ATAD5: variants seen among roughly 807,000 people sequenced by gnomAD.
ATAD5 encodes the protein ATPase family AAA domain-containing protein 5.
ATAD5 carries 58 observed loss-of-function variants against 176.9 expected under a neutral mutation model. The ratio of observed to expected loss-of-function variants is 0.33; its 90% confidence interval spans 0.27 to 0.41. The LOEUF (loss-of-function observed/expected upper bound fraction) is 0.41, where lower values mean the gene tolerates loss of function less well. Among genes scored for constraint, ATAD5 ranks in the 10% least tolerant of loss-of-function variants. ATAD5 has a pLI of 1.00. For synonymous variants in ATAD5, 640 were observed against 712.6 expected, an observed-to-expected ratio of 0.90 and a Z score of 1.62; for missense variants, 1,789 against 2,094.1, an observed-to-expected ratio of 0.85 and a Z score of 2.84.
intron 3 of ATAD5, among the ~76,000 whole-genome samples, chr17:30,839,349 C>T (rs111583290): frequency 8.6e-5 from 13 of 151,204 alleles, no homozygotes; most frequent in Non-Finnish European, 1.8e-4. Context: ...TGCAGTGGCA[C>T]GGTCTCGGCT....
chr17:30,833,869 A>AC (rs919070702), intron 1 of ATAD5, among the ~76,000 whole-genome samples: 33 of 152,094 alleles, frequency 2.2e-4, no homozygotes, highest in African/African-American at 7.7e-4. Flanking sequence ...TTTAGTAGAG[A>AC]CAGGGTTTCA....
intron 3 of ATAD5, among the ~76,000 whole-genome samples, chr17:30,840,213 A>C (rs1307569202): frequency 1.3e-5 from 2 of 150,702 alleles, no homozygotes; most frequent in East Asian, 1.9e-4. Context: ...AAAAAAAAAA[A>C]AAAAAACAAC....
chr17:30,892,053 C>T (rs1452100594), intron 19 of ATAD5, among the ~76,000 whole-genome samples: 1 of 152,058 alleles, frequency 6.6e-6, no homozygotes, highest in Non-Finnish European at 1.5e-5. Context: ...CTTGCCTGCT[C>T]ACAGTCCTTG....
chr17:30,893,544 A>G lies in ATAD5; in HGVS notation c.4691A>G (p.Lys1564Arg), dbSNP rs761806208. 4 of 1,611,418 alleles carry G rather than the reference A, an allele frequency of 2.5e-6. No individual in the cohort carries two copies. Among genetic ancestry groups the G allele is most frequent in the South Asian group, 1.1e-5 (1 of 90,256 alleles). The change falls in exon 21 of 23, where the codon AAG (lysine) becomes AGG (arginine). Residue 1564 changes from lysine (K) to arginine (R), a missense_variant. This residue lies in a region of ATAD5 where 403 missense variants were observed against 495.1 expected (regional missense o/e 0.81). Coordinates refer to ENST00000321990, the MANE Select transcript of ATAD5 (RefSeq NM_024857.5). ...CAGCCATTGAAAAAGTCCCAGAAAA[A>G]GAAACAAAAGAAAACATTGGTAATA... is the stretch of plus-strand genomic sequence containing the variant. ...REQPLKKSQK[K>R]KQKKTLVILD...
At chr17:30,853,478 A>G (rs553332741) in intron 6 of ATAD5, among the ~76,000 whole-genome samples, 1 of 152,054 alleles carries the variant, frequency 6.6e-6, no homozygotes, top group Non-Finnish European at 1.5e-5. Flanking sequence ...AAAAAAATAC[A>G]CTTCTTCTTT....
At chr17:30,849,774 T>C (rs1906757701) in intron 6 of ATAD5, among the ~76,000 whole-genome samples, 1 of 152,206 alleles carries the variant, frequency 6.6e-6, no homozygotes, top group African/African-American at 2.4e-5. Context: ...GACGTCCAGT[T>C]TATGGGTTTG....
intron 17 of ATAD5, among the ~76,000 whole-genome samples, chr17:30,878,455 T>C (rs1908792800): frequency 6.6e-6 from 1 of 152,146 alleles, no homozygotes; most frequent in African/African-American, 2.4e-5. Flanking sequence ...CTGATAACAC[T>C]TTCTTATGAA....
At chr17:30,866,161 C>T (rs1327393011) in intron 11 of ATAD5, among the ~76,000 whole-genome samples, 3 of 143,334 alleles carry the variant, frequency 2.1e-5, no homozygotes, top group Admixed American at 7.1e-5. Context: ...TTTGTTACAC[C>T]TTTACACTTA....
In ATAD5 at chr17:30,834,708, A is replaced by G; in HGVS notation, c.627A>G (p.Lys209=). ...ACTTCAAAAAGTTGAGAAAAAGGAA[A>G]TGCAGAGATGTAGTAGATCTATCTG... is the stretch of plus-strand genomic sequence containing the variant. The part of the protein sequence containing the change: ...KNDFKKLRKR[K]CRDVVDLSES... Residue 209 remains lysine (K), a synonymous_variant, in exon 2 of 23, where the codon AAA becomes AAG. Coordinates refer to ENST00000321990, the MANE Select transcript of ATAD5 (RefSeq NM_024857.5). The G allele has an allele frequency of 1.2e-6, 2 of 1,610,720 alleles. No individual in the cohort carries two copies. Among genetic ancestry groups the G allele is most frequent in the Non-Finnish European group, 1.7e-6 (2 of 1,179,192 alleles).
chr17:30,858,247 G>GA lies in ATAD5; in HGVS notation c.2886dup (p.Tyr963IlefsTer11). The GA allele has an allele frequency of 6.3e-7, 1 of 1,597,084 alleles. No individual in the cohort carries two copies. The highest frequency in any genetic ancestry group is 8.5e-7 in the Non-Finnish European group (1 of 1,172,180). On this transcript the variant is annotated frameshift_variant, in exon 9 of 23. Coordinates refer to ENST00000321990, the MANE Select transcript of ATAD5 (RefSeq NM_024857.5). LOFTEE classifies it high-confidence loss of function. ...GGTGGTCAAATCCTGAATTTTCATTGAAAAAATATTTTCCCTTACTCCTAA... is the reference window on the plus strand; with the variant it reads ...GGTGGTCAAATCCTGAATTTTCATTGAAAAAAATATTTTCCCTTACTCCTAA...
At chr17:30,832,487 A>C in intron 1 of ATAD5, 74 bp downstream of exon 1, 12 of 1,386,302 alleles carry the variant, frequency 8.7e-6, no homozygotes, top group Non-Finnish European at 9.5e-6. Flanking sequence ...TCTTGGCGGA[A>C]GGTGATCCTG....
chr17:30,846,715 T>C (rs928284406), intron 6 of ATAD5, among the ~76,000 whole-genome samples: 4 of 151,168 alleles, frequency 2.6e-5, no homozygotes, highest in East Asian at 1.9e-4. Flanking sequence ...GTTTGAATTT[T>C]TCTCTCTTTT....
At chr17:30,879,301 C>A in intron 17 of ATAD5, 122 bp from the exon 18 acceptor site, 2 of 1,078,490 alleles carry the variant, frequency 1.9e-6, no homozygotes, top group Non-Finnish European at 1.3e-6. Flanking sequence ...TGCACCACAG[C>A]ACTAGGCAGT....
intron 4 of ATAD5, among the ~76,000 whole-genome samples, chr17:30,842,052 C>T (rs552031269): frequency 3.1e-4 from 47 of 152,178 alleles, no homozygotes; most frequent in Non-Finnish European, 5.7e-4. Context: ...GGGAGGATCA[C>T]GAGGTCAGGA....
At chr17:30,853,797 G>T (rs1183693581) in intron 6 of ATAD5, among the ~76,000 whole-genome samples, 1 of 152,046 alleles carries the variant, frequency 6.6e-6, no homozygotes, top group African/African-American at 2.4e-5. Flanking sequence ...TTTGCAATCT[G>T]AAGATAAACT....
chr17:30,887,266 C>G lies in ATAD5; in HGVS notation c.4152C>G (p.Thr1384=), dbSNP rs780623026. The G allele has an allele frequency of 6.2e-7, 1 of 1,607,460 alleles. No homozygotes were observed. The highest frequency in any genetic ancestry group is 8.5e-7 in the Non-Finnish European group (1 of 1,177,458). The change falls in exon 19 of 23, where the codon ACC becomes ACG. Residue 1384 remains threonine (T), a synonymous_variant. Coordinates refer to ENST00000321990, the MANE Select transcript of ATAD5 (RefSeq NM_024857.5). ...GAACTGATGTAAAAGACTTTGTAAC[C>G]TTGTTAACTGCAAATACTTGTGATA... ...NFRTDVKDFV[T]LLTANTCDIR...
Position 30,835,842 on chromosome 17 carries a change from T to C in ATAD5, c.1761T>C (p.Asn587=). Residue 587 remains asparagine (N), a synonymous_variant, in exon 2 of 23, where the codon AAT becomes AAC. Transcript: ENST00000321990. ...CTGAATCTGAAGCCAGCTTGCTAAA[T>C]GTTTCCACGCCCAAGTCAACTAGAA... is the stretch of plus-strand genomic sequence containing the variant. The part of the protein sequence containing the change: ...SKAESEASLL[N]VSTPKSTRRS... The C allele has an allele frequency of 1.2e-6, 2 of 1,613,800 alleles. No individual in the cohort carries two copies. Among genetic ancestry groups the C allele is most frequent in the South Asian group, 1.1e-5 (1 of 90,970 alleles).
Position 30,860,598 on chromosome 17 carries a change from T to C in ATAD5, c.3122T>C (p.Leu1041Pro). ...SKRNNSSGIK[L>P]DSSKDSGTED... ...AGAAACAACTCTTCTGGGATAAAGC[T>C]AGATTCTTCCAAAGGTATATTTTCT... Residue 1041 changes from leucine (L) to proline (P), a missense_variant, in exon 10 of 23, where the codon CTA becomes CCA. By Grantham distance (98) the Leu-to-Pro change is moderately conservative. Coordinates refer to ENST00000321990, the MANE Select transcript of ATAD5 (RefSeq NM_024857.5). 1 of 1,568,716 alleles carries C rather than the reference T, an allele frequency of 6.4e-7. No homozygotes were observed. The highest frequency in any genetic ancestry group is 2.2e-5 in the Admixed American group (1 of 45,572).
Position 30,880,131 on chromosome 17 carries a change from G to A in ATAD5, c.4077+644G>A, listed in dbSNP as rs140526990. ...AGCTTGGGCAACATGGCAAAACCCTGTCTCTACACAAAAATACAAAAAATT... is the reference window on the plus strand; with the variant it reads ...AGCTTGGGCAACATGGCAAAACCCTATCTCTACACAAAAATACAAAAAATT... On this transcript the variant is annotated intron_variant, in intron 18 of 22. Transcript: ENST00000321990. 2.8e-3 allele frequency among the ~76,000 whole-genome samples: 429 copies of A among 150,712 alleles called. 1 individual carries two copies. The highest frequency in any genetic ancestry group is 4.1e-3 in the Non-Finnish European group (277 of 67,738).
Sources: gnomAD v4.1 joint callset for allele counts (sites outside exome capture counted in the v4.1 genomes callset) on GRCh38, gnomAD v4.1.1 for gene constraint, gnomAD v4.1.1 regional missense constraint, MANE v1.5 for transcripts, NCBI Gene and HGNC (gene_info 2026-07-23, HGNC 2026-07-21) for gene names.